The following ACADSB variants were observed in gnomAD, a reference collection of about 807,000 sequenced individuals.
ACADSB encodes the protein acyl-CoA dehydrogenase short/branched chain, also known as short/branched chain specific acyl-CoA dehydrogenase, mitochondrial.
A neutral mutation model predicts 54.1 loss-of-function variants in ACADSB; 40 were observed. The ratio of observed to expected loss-of-function variants is 0.74; its 90% CI spans 0.57 to 0.96. The LOEUF (loss-of-function observed/expected upper bound fraction) is 0.96, where lower values mean the gene tolerates loss of function less well. ACADSB is among the 40% of genes least tolerant of loss of function. The pLI is 0.00. For synonymous variants in ACADSB, 182 were observed against 182.8 expected (o/e 1.00, Z 0.03); for missense variants, 530 against 510.4 (o/e 1.04, Z -0.37).
intron 1 of ACADSB, among the ~76,000 whole-genome samples, chr10:123,026,390 G>T (rs1178494176): frequency 6.6e-6 from 1 of 152,126 alleles, no homozygotes; most frequent in Non-Finnish European, 1.5e-5. Flanking sequence ...TAACCTGGTT[G>T]GTTAGAGAAG....
chr10:123,032,078 C>G (rs1205882731), intron 1 of ACADSB, among the ~76,000 whole-genome samples: 1 of 151,826 alleles, frequency 6.6e-6, no homozygotes. Flanking sequence ...CGCTGGGGTT[C>G]AAGCAATTCT....
At chr10:123,049,911 T>C (rs1292812486) in intron 8 of ACADSB, among the ~76,000 whole-genome samples, 1 of 152,154 alleles carries the variant, frequency 6.6e-6, no homozygotes, top group Non-Finnish European at 1.5e-5. Flanking sequence ...GGTGGTAAGA[T>C]TGGTAAGTTT....
At position 123,056,179 on chromosome 10, in the gene ACADSB, A is replaced by G. The variant is rs1048544685; in HGVS notation, c.*2414A>G. ...TGCCCCACTCTACTGTTAGCAGTTT[A>G]CTGTATTAGTCTGTTTTCACACTGC... On this transcript the variant is annotated 3_prime_UTR_variant, in exon 11 of 11. Coordinates refer to ENST00000358776, the MANE Select transcript of ACADSB (RefSeq NM_001609.4). 6.3e-6 allele frequency: 1 copy of G among 159,504 alleles called. No individual in the cohort carries two copies. Among genetic ancestry groups the G allele is most frequent in the African/African-American group, 2.4e-5 (1 of 41,528 alleles). 9.9% of individuals were successfully genotyped at this position (159,504 alleles called of 1,614,324 possible).
In ACADSB at chr10:123,054,805, G is replaced by T. The variant is rs1564755765; in HGVS notation, c.*1040G>T. 1.3e-5 allele frequency: 2 copies of T among 152,150 alleles called. No homozygotes were observed. The highest frequency in any genetic ancestry group is 2.9e-5 in the Non-Finnish European group (2 of 68,020). The allele number at this position is 152,150 out of a possible 1,614,324, so 9.4% of individuals were successfully genotyped here. A position where few individuals can be genotyped will look rare whatever the true frequency, so the allele number is the denominator to read the frequency against. ...TAATAATCAGAAAATATTCAATACA[G>T]TGTTGGATATTCTGTCATGCACTAT... On this transcript the variant is annotated 3_prime_UTR_variant, in exon 11 of 11. Transcript: ENST00000358776.
Position 123,043,045 on chromosome 10 carries a change from G to T in ACADSB, c.682-1G>T. 1 of 1,613,204 alleles carries T rather than the reference G, an allele frequency of 6.2e-7. No individual in the cohort carries two copies. The highest frequency in any genetic ancestry group is 2.2e-5 in the East Asian group (1 of 44,844). ...AATAGCGTTTTAATTCTTCTTTTTA[G>T]GGATATAAGGGAATTACCTCCTTCT... On this transcript the variant is annotated splice_acceptor_variant, in intron 5 of 10. Transcript: ENST00000358776. LOFTEE classifies it high-confidence loss of function.
intron 1 of ACADSB, among the ~76,000 whole-genome samples, chr10:123,026,867 TA>T (rs1262741937): frequency 8.0e-5 from 12 of 149,204 alleles, no homozygotes; most frequent in South Asian, 2.1e-4. Flanking sequence ...GAAACTAATT[TA>T]AAAAAAAAAG....
chr10:123,013,932 G>A (rs535180915), intron 1 of ACADSB, among the ~76,000 whole-genome samples: 4 of 152,352 alleles, frequency 2.6e-5, no homozygotes, highest in South Asian at 4.1e-4. Context: ...GCCTTGGCCA[G>A]CCTAGAGAAG....
At chr10:123,037,876 G>C in intron 3 of ACADSB, 29 bp downstream of exon 3, 1 of 1,449,766 alleles carries the variant, frequency 6.9e-7, no homozygotes, top group Non-Finnish European at 9.7e-7. Flanking sequence ...CCACTTTCAA[G>C]CTTCTATAAT....
rs1248603644 is a variant in ACADSB at position 123,045,160 on chromosome 10, TATATATA to T, written c.900+676_900+682del. Among the ~76,000 whole-genome samples, 142 of 15,042 alleles carry T rather than the reference TATATATA, an allele frequency of 9.4e-3. 1 individual carries two copies. Among genetic ancestry groups the T allele is most frequent in the African/African-American group, 0.027 (87 of 3,242 alleles). 9.9% of individuals were successfully genotyped at this position (15,042 alleles called of 152,430 possible). ...ATATATATATATATATATATATATA[TATATATA>T]TATATTTTTTTTTTTTTTTTTTTTT... is the stretch of plus-strand genomic sequence containing the variant. On this transcript the variant is annotated intron_variant, in intron 7 of 10. Coordinates refer to ENST00000358776, the MANE Select transcript of ACADSB (RefSeq NM_001609.4).
intron 1 of ACADSB, among the ~76,000 whole-genome samples, chr10:123,010,752 G>A (rs917381729): frequency 2.6e-5 from 4 of 152,200 alleles, no homozygotes; most frequent in Admixed American, 2.6e-4. Context: ...TGCCATGCAC[G>A]AAGCATTGTG....
At chr10:123,032,906 C>G (rs1157557465) in intron 1 of ACADSB, among the ~76,000 whole-genome samples, 1 of 151,918 alleles carries the variant, frequency 6.6e-6, no homozygotes, top group Non-Finnish European at 1.5e-5. Flanking sequence ...TCCATTCTTT[C>G]CCCCCTTTCT....
At chr10:123,013,568 G>T (rs1197798667) in intron 1 of ACADSB, among the ~76,000 whole-genome samples, 6 of 152,378 alleles carry the variant, frequency 3.9e-5, no homozygotes, top group South Asian at 2.1e-4. Context: ...CGCTCGTCGG[G>T]GAGGCTCAGG....
intron 1 of ACADSB, among the ~76,000 whole-genome samples, chr10:123,014,155 T>C (rs1190089086): frequency 6.6e-6 from 1 of 152,128 alleles, no homozygotes; most frequent in East Asian, 1.9e-4. Flanking sequence ...TGCTCTCTCT[T>C]TCTCTCCCCT....
intron 1 of ACADSB, among the ~76,000 whole-genome samples, chr10:123,013,974 C>T (rs1156824607): frequency 1.3e-5 from 2 of 152,352 alleles, no homozygotes; most frequent in African/African-American, 4.8e-5. Context: ...GGCTGAAGGG[C>T]TCCTCAAGCG....
intron 3 of ACADSB, among the ~76,000 whole-genome samples, 162 bp downstream of exon 3, chr10:123,038,009 A>G (rs1213665213): frequency 6.6e-6 from 1 of 152,218 alleles, no homozygotes; most frequent in East Asian, 1.9e-4. Context: ...TTAAAAATGG[A>G]ATTAACATTT....
rs1463777629 is a variant in ACADSB, at chr10:123,053,964, C to T, written c.*199C>T. Reference sequence around the variant, plus strand: ...CTGTTTAACTTAGGCACAGGAGATCCACTTTTAAACTTGGGAAATAAGCAC... The same window carrying T: ...CTGTTTAACTTAGGCACAGGAGATCTACTTTTAAACTTGGGAAATAAGCAC... On this transcript the variant is annotated 3_prime_UTR_variant, in exon 11 of 11. Coordinates refer to ENST00000358776, the MANE Select transcript of ACADSB (RefSeq NM_001609.4). The T allele has an allele frequency of 1.6e-6, 1 of 615,914 alleles. No individual in the cohort carries two copies. The highest frequency in any genetic ancestry group is 2.9e-6 in the Non-Finnish European group (1 of 349,632). 38.2% of individuals were successfully genotyped at this position (615,914 alleles called of 1,614,324 possible).
At chr10:123,046,400 C>T (rs1850561197) in intron 7 of ACADSB, among the ~76,000 whole-genome samples, 1 of 152,138 alleles carries the variant, frequency 6.6e-6, no homozygotes, top group Non-Finnish European at 1.5e-5. Flanking sequence ...GATTTCTAAG[C>T]TTGAATCATA....
chr10:123,026,027 C>A (rs933682018), intron 1 of ACADSB, among the ~76,000 whole-genome samples: 1 of 151,728 alleles, frequency 6.6e-6, no homozygotes, highest in African/African-American at 2.4e-5. Context: ...CAAGATGGCG[C>A]CACTGCACTC....
At chr10:123,017,031 T>A (rs538715747) in intron 1 of ACADSB, among the ~76,000 whole-genome samples, 1 of 152,254 alleles carries the variant, frequency 6.6e-6, no homozygotes, top group East Asian at 1.9e-4. Flanking sequence ...CAACCCCTGA[T>A]ATGGAACTCT....
Sources: gnomAD v4.1 joint callset for allele counts (sites outside exome capture counted in the v4.1 genomes callset) on GRCh38, gnomAD v4.1.1 for gene constraint, MANE v1.5 for transcripts, NCBI Gene and HGNC (gene_info 2026-07-23, HGNC 2026-07-21) for gene names.